SLC44A5: variants seen among roughly 807,000 people sequenced by gnomAD.
The protein encoded by SLC44A5 is choline transporter-like protein 5.
SLC44A5 carries 57 observed loss-of-function variants against 101.8 expected under a neutral mutation model. The ratio of observed to expected loss-of-function variants is 0.56; its 90% CI spans 0.45 to 0.70. The LOEUF (loss-of-function observed/expected upper bound fraction) is 0.70. SLC44A5 is among the 30% of genes least tolerant of loss of function. The pLI is 0.00. For synonymous variants in SLC44A5, 281 were observed against 290.9 expected (o/e 0.97, Z 0.35); for missense variants, 737 against 853.1 (o/e 0.86, Z 1.70).
intron 5 of SLC44A5, among the ~76,000 whole-genome samples, chr1:75,281,642 C>T (rs1007872007): frequency 0.023 from 2,411 of 105,432 alleles, 329 homozygotes; most frequent in African/African-American, 0.068. Flanking sequence ...CCAGGCCCCC[C>T]CCCCCCCCCG....
chr1:75,334,494 A>G lies in SLC44A5; in HGVS notation c.101+5088T>C, dbSNP rs375868026. On this transcript the variant is annotated intron_variant, in intron 4 of 23. Transcript: ENST00000370859. Reference sequence around the variant, plus strand: ...GAGTTCTAAGAGGTAAAAAGAAGACAAAATCTGCAAGGTTTTAGGACTATT... The same window carrying G: ...GAGTTCTAAGAGGTAAAAAGAAGACGAAATCTGCAAGGTTTTAGGACTATT... 2.0e-4 allele frequency among the ~76,000 whole-genome samples: 31 copies of G among 152,206 alleles called. 1 individual carries two copies. The East Asian group carries it at 2.9e-3, about 14-fold the overall frequency.
intron 12 of SLC44A5, among the ~76,000 whole-genome samples, chr1:75,232,880 C>A (rs1313059261): frequency 1.3e-5 from 2 of 152,190 alleles, no homozygotes; most frequent in African/African-American, 4.8e-5. Context: ...ATACAACCTG[C>A]AGATTCAACT....
the SLC44A5 span, among the ~76,000 whole-genome samples, chr1:75,691,495 C>G: frequency 6.6e-6 from 1 of 152,118 alleles, no homozygotes; most frequent in Non-Finnish European, 1.5e-5. Context: ...GGATTAGAGG[C>G]ACTTGATTTA....
chr1:75,292,654 T>C (rs1456649027), intron 5 of SLC44A5, among the ~76,000 whole-genome samples: 1 of 152,166 alleles, frequency 6.6e-6, no homozygotes, highest in African/African-American at 2.4e-5. Context: ...CTGAAGATAA[T>C]AGATTGTTGA....
At chr1:75,385,870 C>A (rs573763064) in intron 3 of SLC44A5, among the ~76,000 whole-genome samples, 1 of 152,028 alleles carries the variant, frequency 6.6e-6, no homozygotes, top group South Asian at 2.1e-4. Flanking sequence ...ATGATCAAAT[C>A]GGCTTCATCC....
intron 3 of SLC44A5, among the ~76,000 whole-genome samples, chr1:75,365,030 G>A (rs1376051055): frequency 6.6e-6 from 1 of 152,026 alleles, no homozygotes; most frequent in African/African-American, 2.4e-5. Context: ...GACAAGTTAG[G>A]ACTTTCAAAA....
the SLC44A5 span, among the ~76,000 whole-genome samples, chr1:75,702,766 A>C: frequency 1.2e-4 from 18 of 152,304 alleles, no homozygotes; most frequent in East Asian, 3.5e-3. Context: ...CTCATCTGAC[A>C]AAGGGCTAAT....
intron 2 of SLC44A5, among the ~76,000 whole-genome samples, chr1:75,518,909 C>T (rs1181401790): frequency 3.3e-5 from 5 of 152,060 alleles, no homozygotes; most frequent in African/African-American, 1.2e-4. Context: ...CAAAAATGTC[C>T]TAAAATTAAA....
chr1:75,634,908 A>T, the SLC44A5 span, among the ~76,000 whole-genome samples: 1 of 152,162 alleles, frequency 6.6e-6, no homozygotes, highest in Non-Finnish European at 1.5e-5. Flanking sequence ...CAACTTACTC[A>T]TCTGACAAAG....
At chr1:75,206,991 T>C (rs1410714862) in intron 23 of SLC44A5, among the ~76,000 whole-genome samples, 1 of 152,082 alleles carries the variant, frequency 6.6e-6, no homozygotes, top group Non-Finnish European at 1.5e-5. Context: ...CTATGTCCCT[T>C]CAAAAAAGTG....
chr1:75,369,471 T>C (rs887243390), intron 3 of SLC44A5, among the ~76,000 whole-genome samples: 3 of 152,170 alleles, frequency 2.0e-5, no homozygotes, highest in African/African-American at 7.2e-5. Flanking sequence ...AAAGAATGCA[T>C]GTTCTTTTCA....
chr1:75,532,420 A>AATAAT (rs56155731), intron 2 of SLC44A5, among the ~76,000 whole-genome samples: 142,035 of 151,830 alleles, frequency 0.94, 67,186 homozygotes, highest in East Asian at 1. Flanking sequence ...AATAAACTAT[A>AATAAT]ATAAGTAGCC....
At chr1:75,261,243 T>C (rs1212945074) in intron 6 of SLC44A5, among the ~76,000 whole-genome samples, 1 of 152,072 alleles carries the variant, frequency 6.6e-6, no homozygotes, top group Non-Finnish European at 1.5e-5. Flanking sequence ...ATCTGGTTTT[T>C]TGAAATGATG....
intron 4 of SLC44A5, among the ~76,000 whole-genome samples, chr1:75,328,064 C>T (rs369833487): frequency 2.0e-4 from 31 of 152,302 alleles, no homozygotes; most frequent in African/African-American, 7.0e-4. Flanking sequence ...GCCCCAGGGC[C>T]CCAGTCCACA....
the SLC44A5 span, among the ~76,000 whole-genome samples, chr1:75,683,057 T>G: frequency 1.3e-3 from 196 of 152,076 alleles, no homozygotes; most frequent in Middle Eastern, 3.4e-3. Context: ...CACAATGAGA[T>G]ACCATCTCAC....
chr1:75,468,922 A>C (rs1458514952), intron 2 of SLC44A5, among the ~76,000 whole-genome samples: 2 of 152,214 alleles, frequency 1.3e-5, no homozygotes, highest in Admixed American at 6.5e-5. Flanking sequence ...CTGCATCAAA[A>C]TATCTCATGT....
At chr1:75,577,959 CA>C (rs1349086856) in intron 1 of SLC44A5, among the ~76,000 whole-genome samples, 1 of 152,134 alleles carries the variant, frequency 6.6e-6, no homozygotes, top group African/African-American at 2.4e-5. Flanking sequence ...TTATAAATTA[CA>C]TTAGCTTCAA....
intron 2 of SLC44A5, among the ~76,000 whole-genome samples, chr1:75,407,830 G>A (rs532780710): frequency 2.6e-5 from 4 of 152,242 alleles, no homozygotes; most frequent in Admixed American, 2.6e-4. Context: ...AACACCAAAA[G>A]CAATGCCAAC....
the SLC44A5 span, among the ~76,000 whole-genome samples, chr1:75,659,627 C>CAAA: frequency 4.0e-5 from 4 of 98,784 alleles, no homozygotes; most frequent in African/African-American, 7.7e-5. Flanking sequence ...CCATCTCTAC[C>CAAA]AAAAAAAAAA....
Sources: allele counts gnomAD v4.1 joint callset (sites outside exome capture counted in the v4.1 genomes callset), GRCh38; gene constraint gnomAD v4.1.1; transcripts MANE v1.5; gene names NCBI Gene and HGNC (gene_info 2026-07-23, HGNC 2026-07-21).